ZNF717: variants seen among roughly 807,000 people sequenced by gnomAD.
ZNF717 encodes the protein zinc finger protein 717.
Under a neutral mutation model 13.8 loss-of-function variants are expected in ZNF717, and 9 were observed. That is an observed-to-expected ratio of 0.65 (90% confidence interval 0.39 to 1.14). ZNF717 has a LOEUF of 1.14. ZNF717 is among the 50% of genes most tolerant of loss of function. The pLI is 0.01. For missense variants in ZNF717, 1,040 were observed against 1,080.7 expected, an observed-to-expected ratio of 0.96 and a Z score of 0.53; for synonymous variants, 327 against 364.1, an observed-to-expected ratio of 0.90 and a Z score of 1.16.
chr3:75,725,120 T>C (rs1196013093), downstream of ZNF717, among the ~76,000 whole-genome samples: 145 of 152,178 alleles, frequency 9.5e-4, no homozygotes, highest in South Asian at 0.014. Context: ...ATTTTCCATG[T>C]TTCCATCAGC....
downstream of ZNF717, among the ~76,000 whole-genome samples, chr3:75,729,672 T>C (rs1938404759): frequency 6.6e-6 from 1 of 151,570 alleles, no homozygotes; most frequent in Non-Finnish European, 1.5e-5. Context: ...TATGATGAAT[T>C]TTAACAGAAA....
At chr3:75,727,304 C>A (rs992027020), downstream of ZNF717, among the ~76,000 whole-genome samples, 143 of 152,268 alleles carry the variant, frequency 9.4e-4, no homozygotes, top group Middle Eastern at 6.8e-3. Flanking sequence ...TCAGTGCACC[C>A]TGAAAAAGAA....
At chr3:75,702,035 G>A (rs1174266977) in intron 6 of ZNF717, among the ~76,000 whole-genome samples, 185 of 149,540 alleles carry the variant, frequency 1.2e-3, no homozygotes, top group African/African-American at 4.6e-3. Flanking sequence ...ACTGTTGTTG[G>A]GAGCACAGTT....
intron 2 of ZNF717, among the ~76,000 whole-genome samples, chr3:75,771,463 G>C (rs1381138311): frequency 1.3e-5 from 2 of 152,196 alleles, no homozygotes; most frequent in Non-Finnish European, 2.9e-5. Context: ...TCTTTTAATA[G>C]TTGGTGTCAG....
At chr3:75,761,366 G>C (rs200848881) in intron 2 of ZNF717, among the ~76,000 whole-genome samples, 1 of 152,260 alleles carries the variant, frequency 6.6e-6, no homozygotes, top group African/African-American at 2.4e-5. Flanking sequence ...ATTAGTAATA[G>C]ATGGAAACTC....
chr3:75,754,517 C>A (rs1575862531), intron 2 of ZNF717, among the ~76,000 whole-genome samples: 1 of 137,190 alleles, frequency 7.3e-6, no homozygotes, highest in South Asian at 2.3e-4. Flanking sequence ...TCCAGAAAGA[C>A]ATCATTAGAA....
intron 4 of ZNF717, among the ~76,000 whole-genome samples, chr3:75,720,983 CAACT>C (rs2106861867): frequency 1.3e-5 from 2 of 152,040 alleles, no homozygotes; most frequent in East Asian, 3.9e-4. Context: ...TAATAAATAT[CAACT>C]AATTGCATTG....
downstream of ZNF717, among the ~76,000 whole-genome samples, chr3:75,725,168 C>A (rs1468518664): frequency 6.6e-6 from 1 of 152,228 alleles, no homozygotes; most frequent in African/African-American, 2.4e-5. Flanking sequence ...CACTCTCTCT[C>A]ATCTGAAATA....
At chr3:75,704,906 C>A (rs1440361659), downstream of ZNF717, among the ~76,000 whole-genome samples, 1 of 152,308 alleles carries the variant, frequency 6.6e-6, no homozygotes, top group Admixed American at 6.5e-5. Context: ...CCTTAATTAT[C>A]AGAAAAGATC....
intron 2 of ZNF717, among the ~76,000 whole-genome samples, chr3:75,753,554 T>C (rs1309597082): frequency 3.3e-5 from 5 of 151,382 alleles, no homozygotes; most frequent in Non-Finnish European, 7.4e-5. Flanking sequence ...TGTGTGTCCC[T>C]CACATAGAAT....
At position 75,739,418 on chromosome 3, in the gene ZNF717, A is replaced by AG. The variant is rs1261989978; in HGVS notation, c.278-74_278-73insC. ...ACAGAATGCTTGTGTAAAGGTAAAA[A>AG]AAATTACTTCCTATCTCAGTGGAGT... is the stretch of plus-strand genomic sequence containing the variant. On this transcript the variant is annotated intron_variant, in intron 4 of 4. Coordinates refer to ENST00000652011, the MANE Select transcript of ZNF717 (RefSeq NM_001290208.3). The AG allele has an allele frequency of 1.7e-5, 21 of 1,231,890 alleles. No homozygotes were observed. The Middle Eastern group carries it at 7.5e-4, about 44-fold the overall frequency. 76.3% of individuals were successfully genotyped at this position (1,231,890 alleles called of 1,614,324 possible).
rs1939526379 is a variant in ZNF717 at position 75,737,618 on chromosome 3, G to T, written c.2005C>A (p.His669Asn). 6.5e-7 allele frequency: 1 copy of T among 1,543,946 alleles called. No homozygotes were observed. Among genetic ancestry groups the T allele is most frequent in the Non-Finnish European group, 8.8e-7 (1 of 1,141,854 alleles). The stretch of plus-strand genomic sequence containing the variant: ...ACATCCATACGGTTTTTCCCCGTGT[G>T]AGTTCTCTGGTGTATGGTGAGGAAT... ...KSFLTIHQRT[H>N]TGKNRMDVMN... Residue 669 changes from histidine to asparagine, a missense_variant, in exon 5 of 5, where the codon CAC (histidine) becomes AAC (asparagine). Transcript: ENST00000652011.
rs546186120 is a variant in ZNF717, at chr3:75,755,722, T to A, written c.58-13986A>T. Among the ~76,000 whole-genome samples the A allele has an allele frequency of 2.6e-3, 379 of 148,256 alleles. 1 individual carries two copies. The highest frequency in any genetic ancestry group is 3.5e-3 in the Non-Finnish European group (236 of 66,652). ...TATGGCAACTAGTTAAAAAAAGTTT[T>A]AAAAAAAAGAAGTACATGCTAAGAA... On this transcript the variant is annotated intron_variant, in intron 2 of 4. Transcript: ENST00000652011.
chr3:75,731,865 T>G (rs1247303972), downstream of ZNF717, among the ~76,000 whole-genome samples: 1 of 152,346 alleles, frequency 6.6e-6, no homozygotes, highest in Admixed American at 6.5e-5. Context: ...ATTGGAGAGA[T>G]AGAGAAGTGA....
At chr3:75,714,953 C>A (rs1365814783) in intron 5 of ZNF717, among the ~76,000 whole-genome samples, 1 of 152,166 alleles carries the variant, frequency 6.6e-6, no homozygotes, top group Non-Finnish European at 1.5e-5. Context: ...TATACACACA[C>A]AAATAACAGA....
chr3:75,706,429 A>G (rs574941912), downstream of ZNF717, among the ~76,000 whole-genome samples: 128 of 144,252 alleles, frequency 8.9e-4, no homozygotes, highest in African/African-American at 3.1e-3. Context: ...TAGGGCAGAG[A>G]TAACATAAAA....
chr3:75,765,162 C>T (rs1280709836), intron 2 of ZNF717, among the ~76,000 whole-genome samples: 3 of 151,310 alleles, frequency 2.0e-5, no homozygotes, highest in Admixed American at 6.6e-5. Flanking sequence ...TATTATATAA[C>T]CCCAGGTATA....
chr3:75,781,590 C>A (rs1210236612), intron 2 of ZNF717, among the ~76,000 whole-genome samples: 2 of 152,152 alleles, frequency 1.3e-5, no homozygotes, highest in Non-Finnish European at 2.9e-5. Context: ...TGAATAGACT[C>A]TCCCTTAGCT....
chr3:75,705,425 A>G (rs1465221391), downstream of ZNF717, among the ~76,000 whole-genome samples: 13 of 152,294 alleles, frequency 8.5e-5, no homozygotes, highest in African/African-American at 3.1e-4. Flanking sequence ...CACATAATTG[A>G]TTACCCTTTT....
Sources: allele counts gnomAD v4.1 joint callset (sites outside exome capture counted in the v4.1 genomes callset), GRCh38; gene constraint gnomAD v4.1.1; transcripts MANE v1.5; gene names NCBI Gene and HGNC (gene_info 2026-07-23, HGNC 2026-07-21).